WDFY2: variants seen among roughly 807,000 people sequenced by gnomAD.
WDFY2 encodes the protein WD repeat and FYVE domain containing 2.
WDFY2 carries 36 observed loss-of-function variants against 56.4 expected under a neutral mutation model. That is an observed-to-expected ratio of 0.64 (90% confidence interval 0.49 to 0.84). The LOEUF is 0.84. Ranked by LOEUF, WDFY2 falls within the 40% of genes least tolerant of loss-of-function variation. The pLI, the probability that WDFY2 is intolerant of heterozygous loss-of-function variation, is 0.00. For synonymous variants in WDFY2, 176 were observed against 183.7 expected (o/e 0.96, Z 0.34); for missense variants, 444 against 512.2 (o/e 0.87, Z 1.29).
At chr13:51,639,129 C>A (rs968793095) in intron 1 of WDFY2, among the ~76,000 whole-genome samples, 1 of 152,084 alleles carries the variant, frequency 6.6e-6, no homozygotes, top group Non-Finnish European at 1.5e-5. Flanking sequence ...AGACTTTTCT[C>A]AACCAAAAAT....
Position 51,763,962 on chromosome 13 carries a change from T to G in WDFY2, c.*4193T>G, listed in dbSNP as rs1953668323. On this transcript the variant is annotated 3_prime_UTR_variant, in exon 12 of 12. Coordinates refer to ENST00000298125, the MANE Select transcript of WDFY2 (RefSeq NM_052950.4). ...GTTATGGCTGTTCATAGAATTTTAA[T>G]TCTATGTCAGTGTTCTTGTTCACTA... is the stretch of plus-strand genomic sequence containing the variant. 3 of 152,220 alleles carry G rather than the reference T, an allele frequency of 2.0e-5. No homozygotes were observed. Among genetic ancestry groups the G allele is most frequent in the Non-Finnish European group, 4.4e-5 (3 of 68,038 alleles). 9.4% of individuals were successfully genotyped at this position (152,220 alleles called of 1,614,324 possible). A position where few individuals can be genotyped will look rare whatever the true frequency, so the allele number is the denominator to read the frequency against.
intron 1 of WDFY2, among the ~76,000 whole-genome samples, chr13:51,620,148 A>G (rs1954697756): frequency 8.1e-6 from 1 of 123,840 alleles, no homozygotes; most frequent in Admixed American, 1.1e-4. Flanking sequence ...TTTTAGATAA[A>G]TGTTCCTTTT....
At chr13:51,600,671 A>G (rs867067711) in intron 1 of WDFY2, among the ~76,000 whole-genome samples, 5 of 152,188 alleles carry the variant, frequency 3.3e-5, no homozygotes, top group South Asian at 4.2e-4. Flanking sequence ...TGTTGCAGGG[A>G]TATGGCAATC....
intron 4 of WDFY2, among the ~76,000 whole-genome samples, chr13:51,716,732 C>G (rs1289732923): frequency 7.1e-6 from 1 of 140,792 alleles, no homozygotes; most frequent in Non-Finnish European, 1.5e-5. Flanking sequence ...GATCCCAAAA[C>G]CAAAGGCACT....
At chr13:51,753,595 G>A (rs1444960214) in intron 8 of WDFY2, among the ~76,000 whole-genome samples, 1 of 152,108 alleles carries the variant, frequency 6.6e-6, no homozygotes, top group Non-Finnish European at 1.5e-5. Flanking sequence ...CATAACACGT[G>A]TGTAAGACTT....
chr13:51,727,891 A>G, intron 6 of WDFY2, 101 bp downstream of exon 6: 1 of 1,089,396 alleles, frequency 9.2e-7, no homozygotes, highest in Non-Finnish European at 1.3e-6. Flanking sequence ...GCAAAGTACA[A>G]TCCATGCTTG....
At chr13:51,690,291 T>C (rs7331647) in intron 3 of WDFY2, among the ~76,000 whole-genome samples, 66,816 of 148,458 alleles carry the variant, frequency 0.45, 15,287 homozygotes, top group Admixed American at 0.54. Context: ...GTGCGCTGCA[T>C]CCACTAACTC....
chr13:51,623,762 A>G (rs552102129), intron 1 of WDFY2, among the ~76,000 whole-genome samples: 2 of 151,786 alleles, frequency 1.3e-5, no homozygotes, highest in South Asian at 4.2e-4. Context: ...CCCATAAGAA[A>G]TTTTGGTTAT....
chr13:51,635,728 A>G (rs982284347), intron 1 of WDFY2, among the ~76,000 whole-genome samples: 2 of 152,210 alleles, frequency 1.3e-5, no homozygotes, highest in Admixed American at 6.5e-5. Flanking sequence ...GGGAAGTGAA[A>G]ACAGGATCTC....
intron 3 of WDFY2, among the ~76,000 whole-genome samples, chr13:51,675,651 C>T (rs1012293027): frequency 2.6e-5 from 4 of 152,174 alleles, no homozygotes; most frequent in African/African-American, 9.7e-5. Context: ...CTGATCCTGT[C>T]TTTGATACTC....
At chr13:51,595,053 A>G (rs533578821) in intron 1 of WDFY2, among the ~76,000 whole-genome samples, 1 of 152,212 alleles carries the variant, frequency 6.6e-6, no homozygotes, top group South Asian at 2.1e-4. Flanking sequence ...TAACTCTGTC[A>G]TCTTTATACC....
In WDFY2 at chr13:51,597,882, G is replaced by A. The variant is rs181791363; in HGVS notation, c.137+13058G>A. ...TAATCAACCTTGGTGGTTTTTAGTT[G>A]ATGGTACATGTATATGCAAAATTCA... On this transcript the variant is annotated intron_variant, in intron 1 of 11. Coordinates refer to ENST00000298125, the MANE Select transcript of WDFY2 (RefSeq NM_052950.4). 2.3e-3 allele frequency among the ~76,000 whole-genome samples: 349 copies of A among 152,326 alleles called. 7 individuals are homozygous for A. The highest frequency in any genetic ancestry group is 1.6e-3 in the Non-Finnish European group (110 of 68,032).
chr13:51,739,302 A>G, intron 7 of WDFY2, 127 bp downstream of exon 7: 3 of 1,104,556 alleles, frequency 2.7e-6, no homozygotes, highest in South Asian at 5.1e-5. Flanking sequence ...GAACACAAAT[A>G]CTGGCCACTT....
At chr13:51,715,971 G>A (rs977591563) in intron 4 of WDFY2, among the ~76,000 whole-genome samples, 2 of 152,092 alleles carry the variant, frequency 1.3e-5, no homozygotes, top group African/African-American at 4.8e-5. Context: ...CAAAAAAATG[G>A]AAATAACCTC....
intron 1 of WDFY2, among the ~76,000 whole-genome samples, chr13:51,631,036 TC>T (rs1402428203): frequency 3.3e-5 from 5 of 150,126 alleles, no homozygotes; most frequent in Non-Finnish European, 7.4e-5. Context: ...CATCTCGGCC[TC>T]CCAAAGTACT....
At chr13:51,709,094 G>A (rs1467012724) in intron 4 of WDFY2, among the ~76,000 whole-genome samples, 2 of 152,140 alleles carry the variant, frequency 1.3e-5, no homozygotes, top group Non-Finnish European at 2.9e-5. Flanking sequence ...GATATTAATT[G>A]ATAGAATAAG....
chr13:51,694,814 T>TA (rs1951827678), intron 3 of WDFY2, among the ~76,000 whole-genome samples: 1 of 152,166 alleles, frequency 6.6e-6, no homozygotes, highest in Non-Finnish European at 1.5e-5. Flanking sequence ...CACTTTCAGG[T>TA]ACACCAATCA....
intron 3 of WDFY2, among the ~76,000 whole-genome samples, chr13:51,684,227 C>T (rs1404957682): frequency 6.6e-6 from 1 of 152,104 alleles, no homozygotes; most frequent in Non-Finnish European, 1.5e-5. Flanking sequence ...CATGCAAGTC[C>T]AGCTTGTTTC....
chr13:51,642,401 C>A (rs1955184548), intron 1 of WDFY2, among the ~76,000 whole-genome samples: 1 of 152,044 alleles, frequency 6.6e-6, no homozygotes, highest in African/African-American at 2.4e-5. Context: ...AATCCTCCCA[C>A]CCCAGCCTCC....
Sources: gnomAD v4.1 joint callset for allele counts (sites outside exome capture counted in the v4.1 genomes callset) on GRCh38, gnomAD v4.1.1 for gene constraint, MANE v1.5 for transcripts, NCBI Gene and HGNC (gene_info 2026-07-23, HGNC 2026-07-21) for gene names.